RAP1GAP: variants seen among roughly 807,000 people sequenced by gnomAD.
The protein encoded by RAP1GAP is RAP1 GTPase activating protein, also known as rap1 GTPase-activating protein 1.
Under a neutral mutation model 87.2 loss-of-function variants are expected in RAP1GAP, and 35 were observed. The ratio of observed to expected loss-of-function variants is 0.40; its 90% CI spans 0.31 to 0.53. The LOEUF is 0.53. RAP1GAP is among the 20% of genes least tolerant of loss of function. The pLI, the probability that RAP1GAP is intolerant of heterozygous loss-of-function variation, is 0.48. For missense variants in RAP1GAP, 734 were observed against 898.9 expected, an observed-to-expected ratio of 0.82 and a Z score of 2.35; for synonymous variants, 375 against 363.9, an observed-to-expected ratio of 1.03 and a Z score of -0.35.
chr1:21,649,860 T>C, intron 1 of RAP1GAP, 64 bp from the exon 2 acceptor site: 9 of 1,491,504 alleles, frequency 6.0e-6, no homozygotes, highest in Non-Finnish European at 8.2e-6. Flanking sequence ...TGGCCCAGCA[T>C]ATCACACCCA....
chr1:21,639,773 G>A (rs2095327685), intron 2 of RAP1GAP, among the ~76,000 whole-genome samples: 1 of 152,128 alleles, frequency 6.6e-6, no homozygotes, highest in Non-Finnish European at 1.5e-5. Context: ...CCGGTGGGCG[G>A]GGCAGCGTCT....
chr1:21,638,456 C>A (rs1244173118), intron 2 of RAP1GAP, among the ~76,000 whole-genome samples: 319 of 127,956 alleles, frequency 2.5e-3, no homozygotes, highest in Admixed American at 3.7e-3. Context: ...GACTCTGTCT[C>A]AAAAAAAAAA....
At chr1:21,628,515 C>T (rs1421428153) in intron 2 of RAP1GAP, among the ~76,000 whole-genome samples, 1 of 151,410 alleles carries the variant, frequency 6.6e-6, no homozygotes, top group Non-Finnish European at 1.5e-5. Context: ...GTCAAGAGAT[C>T]CCGAGAACAT....
intron 5 of RAP1GAP, among the ~76,000 whole-genome samples, chr1:21,618,789 T>G (rs571405180): frequency 5.9e-5 from 9 of 151,884 alleles, no homozygotes; most frequent in Non-Finnish European, 2.9e-5. Context: ...GGAGCTAGAA[T>G]AGAGGCCCCA....
intron 1 of RAP1GAP, among the ~76,000 whole-genome samples, chr1:21,655,330 A>G (rs555659566): frequency 6.6e-6 from 1 of 152,322 alleles, no homozygotes; most frequent in African/African-American, 2.4e-5. Flanking sequence ...CCATGCAGCT[A>G]TGGGACAGAC....
chr1:21,627,410 T>TTC (rs5772957), intron 2 of RAP1GAP, among the ~76,000 whole-genome samples: 12,997 of 62,808 alleles, frequency 0.21, 722 homozygotes, highest in South Asian at 0.33. Flanking sequence ...TCCCTTCTTC[T>TTC]TTTTTTTTTT....
intron 2 of RAP1GAP, among the ~76,000 whole-genome samples, chr1:21,644,258 G>C (rs1382969985): frequency 6.6e-6 from 1 of 152,062 alleles, no homozygotes; most frequent in Non-Finnish European, 1.5e-5. Context: ...GCTCCCCCAT[G>C]GCCAGCTCCT....
Position 21,617,435 on chromosome 1 carries a change from G to A in RAP1GAP, c.162C>T (p.Tyr54=). 2 of 1,606,380 alleles carry A rather than the reference G, an allele frequency of 1.2e-6. No individual in the cohort carries two copies. The highest frequency in any genetic ancestry group is 1.7e-6 in the Non-Finnish European group (2 of 1,176,926). Residue 54 remains tyrosine, a synonymous_variant, in exon 7 of 25, where the codon TAC becomes TAT. Coordinates refer to ENST00000374765, the MANE Select transcript of RAP1GAP (RefSeq NM_002885.4). The part of the protein sequence containing the change: ...PLILLPQFGG[Y]WIEGTNHEIT... ...TTTCGTGGTTGGTGCCCTCAATCCAGTAGCCCCCAAACTGGGGCAGCAGGA... is the reference window on the plus strand; with the variant it reads ...TTTCGTGGTTGGTGCCCTCAATCCAATAGCCCCCAAACTGGGGCAGCAGGA...
At chr1:21,626,177 C>T in intron 3 of RAP1GAP, 127 bp downstream of exon 3, 1 of 825,512 alleles carries the variant, frequency 1.2e-6, no homozygotes, top group Admixed American at 2.1e-5. Context: ...AGGAGCTAAA[C>T]CCCATCAGCA....
At chr1:21,644,110 C>A (rs1296280136) in intron 2 of RAP1GAP, among the ~76,000 whole-genome samples, 1 of 152,178 alleles carries the variant, frequency 6.6e-6, no homozygotes, top group African/African-American at 2.4e-5. Context: ...AGCCACAACG[C>A]ATGTGGAGGG....
intron 1 of RAP1GAP, among the ~76,000 whole-genome samples, chr1:21,666,891 T>G (rs3767130): frequency 6.6e-6 from 1 of 152,132 alleles, no homozygotes; most frequent in Non-Finnish European, 1.5e-5. Flanking sequence ...AAGGCTCTTC[T>G]CCTTGCTGAC....
rs1389007830 is a variant in RAP1GAP at position 21,603,630 on chromosome 1, T to C, written c.1429-717A>G. Reference sequence around the variant, plus strand: ...CCAAGGCAGGGCCAGAAGCCCCTGGTGAGGGGCACTGGCTCTGGCACAGGT... The same window carrying C: ...CCAAGGCAGGGCCAGAAGCCCCTGGCGAGGGGCACTGGCTCTGGCACAGGT... On this transcript the variant is annotated intron_variant, in intron 18 of 24. Transcript: ENST00000374765. This position sits in a 1 kb window ranked among gnomAD's most constrained non-coding sequence, Gnocchi z 6.0. The C allele has an allele frequency of 8.1e-6, 6 of 744,382 alleles. No individual in the cohort carries two copies. In the South Asian group the frequency reaches 8.4e-5, roughly 10 times the overall value. The allele number at this position is 744,382 out of a possible 1,614,324, so 46.1% of individuals were successfully genotyped here.
intron 7 of RAP1GAP, among the ~76,000 whole-genome samples, chr1:21,614,647 T>C (rs977489190): frequency 2.0e-5 from 3 of 152,110 alleles, no homozygotes; most frequent in African/African-American, 7.2e-5. Flanking sequence ...CTGTCTCACC[T>C]GGAGGAGAGG....
chr1:21,613,447 G>A lies in RAP1GAP; in HGVS notation c.474+181C>T, dbSNP rs1570680872. On this transcript the variant is annotated intron_variant, in intron 9 of 24. Coordinates refer to ENST00000374765, the MANE Select transcript of RAP1GAP (RefSeq NM_002885.4). The surrounding 1 kb of genome is among the most constrained non-coding windows in gnomAD (Gnocchi z 4.7). ...AAAAGCACACAGGCAGGGGACGGGG[G>A]CCTAGGAGAACACGTGGCAGCCCAA... Among the ~76,000 whole-genome samples the A allele has an allele frequency of 6.6e-6, 1 of 152,174 alleles. No homozygotes were observed. Among genetic ancestry groups the A allele is most frequent in the African/African-American group, 2.4e-5 (1 of 41,440 alleles).
Position 21,622,247 on chromosome 1 carries a change from C to A in RAP1GAP, c.-18-2197G>T. The A allele has an allele frequency of 2.6e-6, 1 of 383,408 alleles. No individual in the cohort carries two copies. Among genetic ancestry groups the A allele is most frequent in the South Asian group, 4.6e-5 (1 of 21,636 alleles). 23.8% of individuals were successfully genotyped at this position (383,408 alleles called of 1,614,324 possible). ...CCATGACGGAGCCTTGTCCGCCCGC[C>A]CTGGCTGGGGCAGAGCCGGCCGGGC... On this transcript the variant is annotated intron_variant, in intron 3 of 24. Transcript: ENST00000374765. This position sits in a 1 kb window ranked among gnomAD's most constrained non-coding sequence, Gnocchi z 5.7.
At chr1:21,626,653 A>G (rs115246116) in intron 2 of RAP1GAP, among the ~76,000 whole-genome samples, 4,113 of 152,178 alleles carry the variant, frequency 0.027, 79 homozygotes, top group African/African-American at 0.046. Flanking sequence ...CCAAGCAGTG[A>G]CCTACTCTGA....
At position 21,634,089 on chromosome 1, in the gene RAP1GAP, G is replaced by A. The variant is rs1021099760; in HGVS notation, c.-112-7692C>T. Among the ~76,000 whole-genome samples, 2 of 146,688 alleles carry A rather than the reference G, an allele frequency of 1.4e-5. No homozygotes were observed. The highest frequency in any genetic ancestry group is 5.2e-5 in the African/African-American group (2 of 38,384). On this transcript the variant is annotated intron_variant, in intron 2 of 24. Coordinates refer to ENST00000374765, the MANE Select transcript of RAP1GAP (RefSeq NM_002885.4). This position sits in a 1 kb window ranked among gnomAD's most constrained non-coding sequence, Gnocchi z 4.1. ...GGGGGGGGGGCCACAGAAGCCCATT[G>A]TTTTCTGAGCTCAACCAGCCGGCAC...
rs1022090338 is a variant in RAP1GAP at position 21,603,886 on chromosome 1, C to T, written c.1429-973G>A. 7 of 1,562,840 alleles carry T rather than the reference C, an allele frequency of 4.5e-6. No individual in the cohort carries two copies. The highest frequency in any genetic ancestry group is 2.7e-5 in the African/African-American group (2 of 73,842). Reference sequence around the variant, plus strand: ...CACTGCCCCGGCGTCCGAATCTACTCGCACTTTTCCCAGGAATAAGCAATG... The same window carrying T: ...CACTGCCCCGGCGTCCGAATCTACTTGCACTTTTCCCAGGAATAAGCAATG... On this transcript the variant is annotated intron_variant, in intron 18 of 24. Coordinates refer to ENST00000374765, the MANE Select transcript of RAP1GAP (RefSeq NM_002885.4). This position sits in a 1 kb window ranked among gnomAD's most constrained non-coding sequence, Gnocchi z 6.0.
At chr1:21,620,878 TCTCC>T (rs2086811075) in intron 3 of RAP1GAP, among the ~76,000 whole-genome samples, 1 of 151,820 alleles carries the variant, frequency 6.6e-6, no homozygotes, top group East Asian at 1.9e-4. Context: ...TCTCCATCTT[TCTCC>T]CTCCCCTCCT....
Sources: gnomAD v4.1 joint callset for allele counts (sites outside exome capture counted in the v4.1 genomes callset) on GRCh38, gnomAD v4.1.1 for gene constraint, Gnocchi (gnomAD v3.1) non-coding constraint, MANE v1.5 for transcripts, NCBI Gene and HGNC (gene_info 2026-07-23, HGNC 2026-07-21) for gene names.